The following KPNA3 variants were observed in gnomAD, a reference collection of about 807,000 sequenced individuals.
KPNA3 encodes the protein karyopherin subunit alpha 3.
Under a neutral mutation model 73.8 loss-of-function variants are expected in KPNA3, and 13 were observed. The ratio of observed to expected loss-of-function variants is 0.18; its 90% CI spans 0.11 to 0.28. The LOEUF (loss-of-function observed/expected upper bound fraction) is 0.28. Ranked by LOEUF, KPNA3 falls within the 10% of genes least tolerant of loss-of-function variation. The pLI is 1.00. For missense variants in KPNA3, 360 were observed against 618.1 expected (o/e 0.58, Z 4.43); for synonymous variants, 186 against 206.9 (o/e 0.90, Z 0.87).
In KPNA3 at chr13:49,701,547, G is replaced by A. The variant is rs1360671000; in HGVS notation, c.*253C>T. On this transcript the variant is annotated 3_prime_UTR_variant, in exon 17 of 17. Coordinates refer to ENST00000261667, the MANE Select transcript of KPNA3 (RefSeq NM_002267.4). ...GTCAGCCTGTGGCACCAGGGAACAG[G>A]GAAAAATAGGGTAGTTGAGATTGTT... 2 of 573,630 alleles carry A rather than the reference G, an allele frequency of 3.5e-6. No individual in the cohort carries two copies. Among genetic ancestry groups the A allele is most frequent in the Non-Finnish European group, 6.8e-6 (2 of 293,660 alleles). 35.5% of individuals were successfully genotyped at this position (573,630 alleles called of 1,614,324 possible). A position where few individuals can be genotyped will look rare whatever the true frequency, so the allele number is the denominator to read the frequency against.
intron 2 of KPNA3, among the ~76,000 whole-genome samples, chr13:49,736,296 T>C (rs1030480720): frequency 2.0e-5 from 3 of 152,102 alleles, no homozygotes; most frequent in Non-Finnish European, 4.4e-5. Context: ...CACCCACAAG[T>C]TTTATAAGTT....
chr13:49,774,591 C>T (rs1287083336), intron 1 of KPNA3, among the ~76,000 whole-genome samples: 1 of 152,130 alleles, frequency 6.6e-6, no homozygotes, highest in Admixed American at 6.6e-5. Flanking sequence ...ATACAGTTCT[C>T]TCAGAAATAG....
chr13:49,772,048 C>A (rs1208270911), intron 1 of KPNA3, among the ~76,000 whole-genome samples: 1 of 152,158 alleles, frequency 6.6e-6, no homozygotes, highest in Admixed American at 6.5e-5. Context: ...TTGTTGAAAT[C>A]ATTTATTAGC....
At chr13:49,737,282 T>G (rs1324501777) in intron 2 of KPNA3, among the ~76,000 whole-genome samples, 1 of 152,186 alleles carries the variant, frequency 6.6e-6, no homozygotes, top group Non-Finnish European at 1.5e-5. Flanking sequence ...ACAAACTGTT[T>G]TCCGGAGTGA....
At chr13:49,767,118 C>T (rs1204715828) in intron 1 of KPNA3, among the ~76,000 whole-genome samples, 1 of 150,718 alleles carries the variant, frequency 6.6e-6, no homozygotes, top group Non-Finnish European at 1.5e-5. Context: ...TAATTTAATA[C>T]AAGAATAATA....
rs1228729100 is a variant in KPNA3 at position 49,782,972 on chromosome 13, C to T, written c.69+9466G>A. Among the ~76,000 whole-genome samples the T allele has an allele frequency of 2.0e-5, 3 of 151,978 alleles. No homozygotes were observed. In the East Asian group the frequency reaches 5.8e-4, roughly 29 times the overall value. On this transcript the variant is annotated intron_variant, in intron 1 of 16. Transcript: ENST00000261667. ...ATAGGGGCTACCACAAGTAAATATGCTGACAGTATCAAAAGAAAGCTGATA... is the reference window on the plus strand; with the variant it reads ...ATAGGGGCTACCACAAGTAAATATGTTGACAGTATCAAAAGAAAGCTGATA...
In KPNA3 at chr13:49,709,681, A is replaced by G. The variant is rs1469077169; in HGVS notation, c.923T>C (p.Val308Ala). The G allele has an allele frequency of 3.7e-6, 6 of 1,613,944 alleles. No individual in the cohort carries two copies. The highest frequency in any genetic ancestry group is 5.1e-6 in the Non-Finnish European group (6 of 1,179,966). The change falls in exon 12 of 17, where the codon GTT becomes GCT. Residue 308 changes from valine to alanine, a missense_variant. By Grantham distance (64) the Val-to-Ala change is moderately conservative. This residue lies in a region of KPNA3 where 287 missense variants were observed against 549.1 expected (regional missense o/e 0.52). Coordinates refer to ENST00000261667, the MANE Select transcript of KPNA3 (RefSeq NM_002267.4). ...VKVQTAALRA[V>A]GNIVTGTDEQ... is the part of the protein sequence containing the mutation. ...GTCGGTGCCAGTCACTATGTTGCCAACTGCTCTGAGGGCTGCTGTCTAGGG... is the reference window on the plus strand; with the variant it reads ...GTCGGTGCCAGTCACTATGTTGCCAGCTGCTCTGAGGGCTGCTGTCTAGGG...
intron 6 of KPNA3, among the ~76,000 whole-genome samples, chr13:49,728,420 T>C (rs1022462100): frequency 2.0e-5 from 3 of 152,090 alleles, no homozygotes; most frequent in African/African-American, 7.2e-5. Flanking sequence ...AAATTATGAC[T>C]GAAAAATTAA....
At chr13:49,721,296 T>C (rs1208003168) in intron 9 of KPNA3, among the ~76,000 whole-genome samples, 1 of 152,160 alleles carries the variant, frequency 6.6e-6, no homozygotes, top group East Asian at 1.9e-4. Context: ...AGTATACTAG[T>C]TTTGCCTGTA....
intron 1 of KPNA3, among the ~76,000 whole-genome samples, chr13:49,761,245 A>G (rs959461127): frequency 1.3e-5 from 2 of 150,584 alleles, no homozygotes; most frequent in African/African-American, 4.9e-5. Context: ...CCCTCTCCCC[A>G]CAGTCTCCCT....
chr13:49,791,718 G>A (rs1405702924), intron 1 of KPNA3, among the ~76,000 whole-genome samples: 1 of 152,148 alleles, frequency 6.6e-6, no homozygotes, highest in Non-Finnish European at 1.5e-5. Flanking sequence ...CTTTTCCGAA[G>A]CCTGAACACA....
chr13:49,747,739 T>C (rs946444070), intron 1 of KPNA3, among the ~76,000 whole-genome samples: 1 of 152,218 alleles, frequency 6.6e-6, no homozygotes, highest in African/African-American at 2.4e-5. Flanking sequence ...ATACATCTTA[T>C]ACTTTAAATG....
At chr13:49,745,219 C>T (rs1037290771) in intron 2 of KPNA3, among the ~76,000 whole-genome samples, 4 of 152,124 alleles carry the variant, frequency 2.6e-5, no homozygotes, top group South Asian at 2.1e-4. Flanking sequence ...CTACCTAGCC[C>T]GTGTATGAAA....
chr13:49,755,747 T>C (rs1443289802), intron 1 of KPNA3, among the ~76,000 whole-genome samples: 2 of 152,028 alleles, frequency 1.3e-5, no homozygotes, highest in African/African-American at 2.4e-5. Flanking sequence ...GCCGAGATCG[T>C]GCCACTGCAC....
intron 6 of KPNA3, among the ~76,000 whole-genome samples, chr13:49,727,431 G>A (rs1954419818): frequency 1.4e-5 from 2 of 141,514 alleles, no homozygotes; most frequent in African/African-American, 2.6e-5. Flanking sequence ...CTGGGCGACA[G>A]AGAGAGATTC....
At chr13:49,785,884 T>C (rs1954978298) in intron 1 of KPNA3, among the ~76,000 whole-genome samples, 1 of 152,164 alleles carries the variant, frequency 6.6e-6, no homozygotes, top group Non-Finnish European at 1.5e-5. Flanking sequence ...CTGCATATGG[T>C]TAAACAGAGC....
intron 2 of KPNA3, among the ~76,000 whole-genome samples, chr13:49,740,894 T>C (rs564008711): frequency 2.6e-5 from 4 of 151,728 alleles, no homozygotes; most frequent in African/African-American, 4.8e-5. Flanking sequence ...AGTGAGAGCA[T>C]GTGATACTTG....
In KPNA3 at chr13:49,699,861, C is replaced by G. The variant is rs1009380462; in HGVS notation, c.*1939G>C. 4 of 152,520 alleles carry G rather than the reference C, an allele frequency of 2.6e-5. No homozygotes were observed. Among genetic ancestry groups the G allele is most frequent in the African/African-American group, 9.7e-5 (4 of 41,420 alleles). 9.4% of individuals were successfully genotyped at this position (152,520 alleles called of 1,614,324 possible). On this transcript the variant is annotated 3_prime_UTR_variant, in exon 17 of 17. Coordinates refer to ENST00000261667, the MANE Select transcript of KPNA3 (RefSeq NM_002267.4). ...TTGTTATTCCTACTTTTAGCGAACA[C>G]CACACAGTTTCAAAAATTTAGACTA...
intron 10 of KPNA3, 40 bp from the exon 11 acceptor site, chr13:49,711,062 T>C: frequency 6.4e-7 from 1 of 1,569,302 alleles, no homozygotes; most frequent in Non-Finnish European, 8.6e-7. Context: ...TACATATTTG[T>C]TTGAATGCTT....
Sources: allele counts gnomAD v4.1 joint callset (sites outside exome capture counted in the v4.1 genomes callset), GRCh38; gene constraint gnomAD v4.1.1; regional missense constraint gnomAD v4.1.1; transcripts MANE v1.5; gene names NCBI Gene and HGNC (gene_info 2026-07-23, HGNC 2026-07-21).